Variants in TARDBP observed in about 807,000 individuals in gnomAD.
TARDBP encodes the protein TAR DNA-binding protein 43.
A neutral mutation model predicts 38.3 loss-of-function variants in TARDBP; 4 were observed. The ratio of observed to expected loss-of-function variants is 0.10; its 90% confidence interval spans 0.05 to 0.24. The LOEUF is 0.24. Ranked by LOEUF, TARDBP falls within the 10% of genes least tolerant of loss-of-function variation. The pLI, the probability that TARDBP is intolerant of heterozygous loss-of-function variation, is 1.00. For missense variants in TARDBP, 202 were observed against 521.9 expected (o/e 0.39, Z 5.97); for synonymous variants, 184 against 183.8 (o/e 1.00, Z -0.01).
At chr1:11,027,234 G>A, downstream of TARDBP, 1 of 1,614,188 alleles carries the variant, frequency 6.2e-7, no homozygotes, top group African/African-American at 1.3e-5. Context: ...TCCCCATCCA[G>A]ATGCAGTTCC....
At chr1:11,015,071 C>T (rs140412768) in intron 2 of TARDBP, among the ~76,000 whole-genome samples, 2 of 151,188 alleles carry the variant, frequency 1.3e-5, no homozygotes, top group African/African-American at 4.9e-5. Context: ...CGCGCCGCTA[C>T]ACTCCAACCT....
intron 3 of TARDBP, 146 bp downstream of exon 3, chr1:11,017,153 G>A (rs1273413584): frequency 3.1e-5 from 27 of 862,990 alleles, no homozygotes; most frequent in Admixed American, 2.2e-4. Flanking sequence ...CTCCTGCCTC[G>A]ACCCCAATGT....
chr1:11,027,025 C>T (rs538181296), downstream of TARDBP: 253 of 1,598,030 alleles, frequency 1.6e-4, 1 homozygote, highest in South Asian at 2.8e-3. Context: ...GTTTCACTAT[C>T]TAGAAACACC....
At chr1:11,016,339 T>C (rs1263672806) in intron 2 of TARDBP, 1 of 160,774 alleles carries the variant, frequency 6.2e-6, no homozygotes, top group African/African-American at 2.4e-5. Flanking sequence ...TTGCAGTGGC[T>C]ATTCATAGGC....
intron 1 of TARDBP, 61 bp from the exon 2 acceptor site, chr1:11,013,655 A>G (rs1643459523): frequency 7.3e-7 from 1 of 1,372,502 alleles, no homozygotes; most frequent in Non-Finnish European, 1.0e-6. Context: ...GGGTATTATC[A>G]TTATAAGGAA....
Position 11,023,131 on chromosome 1 carries a change from T to G in TARDBP, c.*477T>G. 6.5e-7 allele frequency: 1 copy of G among 1,539,458 alleles called. No homozygotes were observed. Among genetic ancestry groups the G allele is most frequent in the Admixed American group, 2.0e-5 (1 of 50,246 alleles). ...GTGTTTGGTTCTTTTGTTTTGTTTTTTAACACTTGTCTCCCCTCATACACA... is the reference window on the plus strand; with the variant it reads ...GTGTTTGGTTCTTTTGTTTTGTTTTGTAACACTTGTCTCCCCTCATACACA... On this transcript the variant is annotated 3_prime_UTR_variant, in exon 6 of 6. Transcript: ENST00000240185.
At chr1:11,030,228 A>G (rs564125125), downstream of TARDBP, 17 of 1,613,792 alleles carry the variant, frequency 1.1e-5, no homozygotes, top group South Asian at 5.5e-5. Context: ...TCCAGAATCC[A>G]TCAGCCTCAC....
Position 11,023,693 on chromosome 1 carries a change from A to G in TARDBP, c.*1039A>G. 1 of 180,194 alleles carries G rather than the reference A, an allele frequency of 5.5e-6. No homozygotes were observed. Among genetic ancestry groups the G allele is most frequent in the African/African-American group, 2.4e-5 (1 of 42,442 alleles). 11.2% of individuals were successfully genotyped at this position (180,194 alleles called of 1,614,324 possible). On this transcript the variant is annotated 3_prime_UTR_variant, in exon 6 of 6. Transcript: ENST00000240185. ...GTGAGTTTTTGTTCTTAGATAACCC[A>G]CATTAGATGAATGTGTTAAGTGAAA...
rs538137188 is a variant in TARDBP, at chr1:11,018,031, T to C, written c.403-702T>C. Among the ~76,000 whole-genome samples the C allele has an allele frequency of 2.0e-4, 30 of 152,102 alleles. 1 individual carries two copies. The highest frequency in any genetic ancestry group is 3.7e-4 in the Non-Finnish European group (25 of 67,980). On this transcript the variant is annotated intron_variant, in intron 3 of 5. Coordinates refer to ENST00000240185, the MANE Select transcript of TARDBP (RefSeq NM_007375.4). ...CCAAGTAGCTGGGACTACAGGTGCC[T>C]GCCACCACGCCTGGCTAATTTTTTG...
chr1:11,014,395 G>A (rs1315318815), intron 2 of TARDBP, among the ~76,000 whole-genome samples: 1 of 152,138 alleles, frequency 6.6e-6, no homozygotes, highest in African/African-American at 2.4e-5. Context: ...TCTTGAATTA[G>A]TGCAGTTCCA....
At position 11,021,881 on chromosome 1, in the gene TARDBP, C is replaced by T. The variant is rs146469040; in HGVS notation, c.715-243C>T. 9.6e-3 allele frequency among the ~76,000 whole-genome samples: 1,452 copies of T among 151,672 alleles called. 23 individuals carry two copies. The highest frequency in any genetic ancestry group is 0.033 in the African/African-American group (1,382 of 41,338). On this transcript the variant is annotated intron_variant, in intron 5 of 5. Transcript: ENST00000240185. ...GTCCTCCCACCTTGGCCTCCCAAAG[C>T]GCTAGGATTACAGGCATGAGCCACC...
downstream of TARDBP, among the ~76,000 whole-genome samples, chr1:11,028,202 A>G (rs911338306): frequency 6.6e-6 from 1 of 151,986 alleles, no homozygotes; most frequent in African/African-American, 2.4e-5. Flanking sequence ...GCCTGGTAAG[A>G]GCAAAACTCC....
Position 11,023,197 on chromosome 1 carries a change from T to C in TARDBP, c.*543T>C, listed in dbSNP as rs1369895854. 6.4e-7 allele frequency: 1 copy of C among 1,550,490 alleles called. No individual in the cohort carries two copies. Among genetic ancestry groups the C allele is most frequent in the South Asian group, 1.2e-5 (1 of 84,056 alleles). Reference sequence around the variant, plus strand: ...GCCTTCATTTAATCTCTGCAGTTCATCTCATTTCAAATGTTTATGGAAGAA... The same window carrying C: ...GCCTTCATTTAATCTCTGCAGTTCACCTCATTTCAAATGTTTATGGAAGAA... On this transcript the variant is annotated 3_prime_UTR_variant, in exon 6 of 6. Transcript: ENST00000240185.
chr1:11,023,069 T>C lies in TARDBP; in HGVS notation c.*415T>C, dbSNP rs1643672159. 24 of 1,451,364 alleles carry C rather than the reference T, an allele frequency of 1.7e-5. No individual in the cohort carries two copies. The highest frequency in any genetic ancestry group is 1.8e-5 in the Non-Finnish European group (20 of 1,098,360). The allele number at this position is 1,451,364 out of a possible 1,614,324, so 89.9% of individuals were successfully genotyped here. ...AACCCCACCATATGGATTTTTTTCCTTAAGAAAATCTCCTTTTAGGAGATC... is the reference window on the plus strand; with the variant it reads ...AACCCCACCATATGGATTTTTTTCCCTAAGAAAATCTCCTTTTAGGAGATC... On this transcript the variant is annotated 3_prime_UTR_variant, in exon 6 of 6. Coordinates refer to ENST00000240185, the MANE Select transcript of TARDBP (RefSeq NM_007375.4).
chr1:11,029,657 TGGATATGGAA>T (rs1643808800), downstream of TARDBP: 1 of 145,280 alleles, frequency 6.9e-6, no homozygotes, highest in Non-Finnish European at 1.5e-5. Flanking sequence ...TTTTTTTTTT[TGGATATGGAA>T]TTTCACTACT....
At chr1:11,019,032 T>G in intron 4 of TARDBP, 159 bp downstream of exon 4, 1 of 869,458 alleles carries the variant, frequency 1.2e-6, no homozygotes, top group East Asian at 2.6e-5. Flanking sequence ...GCTGAATATT[T>G]TATGCTTGTT....
intron 2 of TARDBP, among the ~76,000 whole-genome samples, chr1:11,014,951 CGAAAA>C (rs1643488807): frequency 6.7e-6 from 1 of 148,946 alleles, no homozygotes; most frequent in Non-Finnish European, 1.5e-5. Flanking sequence ...CAAAAAAAAA[CGAAAA>C]CAAAAATTGG....
chr1:11,026,675 G>T, downstream of TARDBP: 1 of 389,062 alleles, frequency 2.6e-6, no homozygotes, highest in East Asian at 3.8e-5. Context: ...TGTCACTCTC[G>T]TGGTTTATGT....
intron 3 of TARDBP, among the ~76,000 whole-genome samples, chr1:11,017,462 A>G (rs1042562669): frequency 2.0e-5 from 3 of 152,016 alleles, no homozygotes; most frequent in Non-Finnish European, 4.4e-5. Context: ...TGGCCTCCCA[A>G]AGTGCTGGGA....
Sources: allele counts gnomAD v4.1 joint callset (sites outside exome capture counted in the v4.1 genomes callset), GRCh38; gene constraint gnomAD v4.1.1; transcripts MANE v1.5; gene names NCBI Gene and HGNC (gene_info 2026-07-23, HGNC 2026-07-21).